The following MACROD2 variants were observed in gnomAD, a reference collection of about 807,000 sequenced individuals.
The protein encoded by MACROD2 is mono-ADP ribosylhydrolase 2.
A neutral mutation model predicts 70.4 loss-of-function variants in MACROD2; 36 were observed. That is an observed-to-expected ratio of 0.51 (90% CI 0.39 to 0.68). The LOEUF (loss-of-function observed/expected upper bound fraction) is 0.68, where lower values mean the gene tolerates loss of function less well. Ranked by LOEUF, MACROD2 falls within the 30% of genes least tolerant of loss-of-function variation. The pLI is 0.00. For synonymous variants in MACROD2, 172 were observed against 178.8 expected (o/e 0.96, Z 0.30); for missense variants, 496 against 538.4 (o/e 0.92, Z 0.78).
At position 14,099,270 on chromosome 20, in the gene MACROD2, T is replaced by G. The variant is rs144424675; in HGVS notation, c.271+13542T>G. ...TCCAGCCTGGGTGACAGAGTGACACTCCATTTCAAAAAAAAAAAAGGCAGC... is the reference window on the plus strand; with the variant it reads ...TCCAGCCTGGGTGACAGAGTGACACGCCATTTCAAAAAAAAAAAAGGCAGC... On this transcript the variant is annotated intron_variant, in intron 3 of 17. Coordinates refer to ENST00000684519, the MANE Select transcript of MACROD2 (RefSeq NM_001351661.2). Among the ~76,000 whole-genome samples the G allele has an allele frequency of 3.0e-3, 447 of 150,492 alleles. 2 individuals carry two copies. The highest frequency in any genetic ancestry group is 0.01 in the African/African-American group (421 of 40,870).
chr20:14,239,597 C>G (rs557069099), intron 3 of MACROD2, among the ~76,000 whole-genome samples: 65 of 152,044 alleles, frequency 4.3e-4, no homozygotes, highest in Non-Finnish European at 7.4e-4. Context: ...AAAATGTTGA[C>G]AAAAACAACC....
chr20:15,704,701 A>G (rs1202514284), intron 8 of MACROD2, among the ~76,000 whole-genome samples: 1 of 152,238 alleles, frequency 6.6e-6, no homozygotes, highest in Non-Finnish European at 1.5e-5. Context: ...GCAAGGTGCT[A>G]GAAGATGGAC....
chr20:14,304,042 A>G (rs1443735180), intron 3 of MACROD2, among the ~76,000 whole-genome samples: 2 of 152,110 alleles, frequency 1.3e-5, no homozygotes, highest in Non-Finnish European at 2.9e-5. Context: ...GTACCACTTT[A>G]TTTCCATGAT....
chr20:15,955,012 T>A (rs1480408489), intron 12 of MACROD2, among the ~76,000 whole-genome samples: 4 of 152,068 alleles, frequency 2.6e-5, no homozygotes, highest in African/African-American at 9.7e-5. Context: ...ATGGTAAGTG[T>A]TAAAAAAGGA....
At chr20:14,378,875 A>G (rs1020530347) in intron 3 of MACROD2, among the ~76,000 whole-genome samples, 1 of 152,192 alleles carries the variant, frequency 6.6e-6, no homozygotes, top group Non-Finnish European at 1.5e-5. Flanking sequence ...TTTTTAGAGT[A>G]CACATTTGCT....
chr20:15,323,372 C>T (rs1343002047), intron 6 of MACROD2, among the ~76,000 whole-genome samples: 1 of 152,076 alleles, frequency 6.6e-6, no homozygotes, highest in African/African-American at 2.4e-5. Context: ...ATATAATATT[C>T]TTTATCTGTC....
chr20:15,332,625 T>G (rs953684001), intron 6 of MACROD2, among the ~76,000 whole-genome samples: 1 of 123,172 alleles, frequency 8.1e-6, no homozygotes, highest in Admixed American at 8.1e-5. Context: ...ACAGCCCCTT[T>G]GAAAGAGGCC....
chr20:15,306,873 A>G (rs766135200), intron 6 of MACROD2, among the ~76,000 whole-genome samples: 32 of 152,182 alleles, frequency 2.1e-4, no homozygotes, highest in Non-Finnish European at 1.2e-4. Flanking sequence ...AAAGAGGTTT[A>G]CTTGACTCAT....
chr20:14,798,823 A>G (rs1170838108), intron 5 of MACROD2, among the ~76,000 whole-genome samples: 1 of 152,034 alleles, frequency 6.6e-6, no homozygotes, highest in Non-Finnish European at 1.5e-5. Flanking sequence ...AAGTATGCTG[A>G]GATTTTCCTC....
intron 6 of MACROD2, among the ~76,000 whole-genome samples, chr20:15,273,263 A>G (rs2077361562): frequency 6.6e-6 from 1 of 152,120 alleles, no homozygotes; most frequent in Non-Finnish European, 1.5e-5. Context: ...CTCCGAGCCT[A>G]CATATTTTTC....
At chr20:15,888,883 T>C (rs2064854200) in intron 10 of MACROD2, among the ~76,000 whole-genome samples, 1 of 152,144 alleles carries the variant, frequency 6.6e-6, no homozygotes, top group African/African-American at 2.4e-5. Flanking sequence ...CACTTAAGCA[T>C]GTCAGTCTCG....
chr20:15,839,175 C>G (rs1225569672), intron 8 of MACROD2, among the ~76,000 whole-genome samples: 1 of 152,142 alleles, frequency 6.6e-6, no homozygotes, highest in Admixed American at 6.5e-5. Context: ...CAATATATCT[C>G]TTCATGAAGA....
intron 8 of MACROD2, among the ~76,000 whole-genome samples, chr20:15,835,746 C>T (rs1462050501): frequency 2.0e-5 from 3 of 152,080 alleles, no homozygotes; most frequent in Non-Finnish European, 4.4e-5. Context: ...TCAATCAACT[C>T]GTATAATAAT....
At chr20:15,922,613 A>G (rs1039049043) in intron 10 of MACROD2, among the ~76,000 whole-genome samples, 3 of 152,210 alleles carry the variant, frequency 2.0e-5, no homozygotes, top group Admixed American at 6.5e-5. Context: ...CTCAGTGACA[A>G]AAGTCTCCGC....
chr20:15,845,479 C>T (rs112042299), intron 8 of MACROD2, among the ~76,000 whole-genome samples: 1 of 151,968 alleles, frequency 6.6e-6, no homozygotes, highest in African/African-American at 2.4e-5. Flanking sequence ...ACTGGGTTCA[C>T]CTTGATCAAG....
chr20:15,398,871 C>T (rs1407903981), intron 6 of MACROD2, among the ~76,000 whole-genome samples: 1 of 152,092 alleles, frequency 6.6e-6, no homozygotes, highest in Non-Finnish European at 1.5e-5. Context: ...CCAGGTTGTG[C>T]AGTGGTGTAA....
intron 15 of MACROD2, among the ~76,000 whole-genome samples, chr20:16,011,374 T>G (rs2066860499): frequency 6.6e-6 from 1 of 152,164 alleles, no homozygotes; most frequent in African/African-American, 2.4e-5. Context: ...CTGCCTGACA[T>G]CTCTGAGGTA....
chr20:15,801,578 G>A (rs1055933351), intron 8 of MACROD2, among the ~76,000 whole-genome samples: 12 of 151,936 alleles, frequency 7.9e-5, no homozygotes, highest in African/African-American at 1.7e-4. Context: ...TTTTATACCA[G>A]TACCATGGTG....
chr20:15,252,056 G>A (rs933469378), intron 6 of MACROD2, among the ~76,000 whole-genome samples: 23 of 152,284 alleles, frequency 1.5e-4, no homozygotes, highest in African/African-American at 5.3e-4. Flanking sequence ...AGTCATTTGA[G>A]ATATTTGGTA....
Sources: allele counts gnomAD v4.1 joint callset (sites outside exome capture counted in the v4.1 genomes callset), GRCh38; gene constraint gnomAD v4.1.1; transcripts MANE v1.5; gene names NCBI Gene and HGNC (gene_info 2026-07-23, HGNC 2026-07-21).